CRISP3: variants seen among roughly 807,000 people sequenced by gnomAD.
CRISP3 encodes the protein cysteine-rich secretory protein 3.
A neutral mutation model predicts 36.1 loss-of-function variants in CRISP3; 33 were observed. The ratio of observed to expected loss-of-function variants is 0.91; its 90% CI spans 0.69 to 1.22. The LOEUF (loss-of-function observed/expected upper bound fraction) is 1.22. Ranked by LOEUF, CRISP3 falls within the 50% of genes most tolerant of loss-of-function variation. The pLI is 0.00. For synonymous variants in CRISP3, 117 were observed against 104.6 expected (o/e 1.12, Z -0.72); for missense variants, 330 against 301.2 (o/e 1.10, Z -0.71).
At chr6:49,734,821 T>C (rs372276757) in intron 4 of CRISP3, among the ~76,000 whole-genome samples, 3 of 152,286 alleles carry the variant, frequency 2.0e-5, no homozygotes, top group East Asian at 3.9e-4. Flanking sequence ...ATTTAATAAG[T>C]ATTTTATCTG....
intron 4 of CRISP3, among the ~76,000 whole-genome samples, chr6:49,734,373 A>G (rs567491055): frequency 6.6e-6 from 1 of 152,320 alleles, no homozygotes; most frequent in African/African-American, 2.4e-5. Flanking sequence ...AGCAAATGAC[A>G]CCATAAAAGA....
intron 5 of CRISP3, 97 bp from the exon 6 acceptor site, chr6:49,733,389 C>A (rs566742201): frequency 2.3e-6 from 2 of 865,962 alleles, no homozygotes; most frequent in South Asian, 1.8e-5. Context: ...AGAATGTTAC[C>A]GACATATTTT....
At chr6:49,740,254 A>G (rs1266736967) in intron 1 of CRISP3, among the ~76,000 whole-genome samples, 2 of 152,320 alleles carry the variant, frequency 1.3e-5, no homozygotes, top group Middle Eastern at 3.4e-3. Context: ...CTGACAACAT[A>G]TATCTACAAA....
At chr6:49,737,010 T>C (rs1402549084) in intron 2 of CRISP3, among the ~76,000 whole-genome samples, 1 of 152,084 alleles carries the variant, frequency 6.6e-6, no homozygotes, top group Non-Finnish European at 1.5e-5. Context: ...TAAAAGAGTT[T>C]TATGTATTAC....
chr6:49,729,260 A>G (rs143132230), intron 7 of CRISP3, among the ~76,000 whole-genome samples: 2 of 152,156 alleles, frequency 1.3e-5, no homozygotes, highest in South Asian at 4.1e-4. Context: ...TTCCTCAACA[A>G]CACCAGTTAT....
At chr6:49,738,978 A>G (rs550182781) in intron 1 of CRISP3, among the ~76,000 whole-genome samples, 2 of 151,532 alleles carry the variant, frequency 1.3e-5, no homozygotes, top group African/African-American at 2.4e-5. Context: ...TGTCCAATGC[A>G]TTAATAAATA....
chr6:49,731,893 G>A (rs1768926260), intron 6 of CRISP3, among the ~76,000 whole-genome samples: 1 of 151,980 alleles, frequency 6.6e-6, no homozygotes, highest in Non-Finnish European at 1.5e-5. Flanking sequence ...GAATGGGAAT[G>A]TTAGGGAAAA....
intron 1 of CRISP3, among the ~76,000 whole-genome samples, chr6:49,738,879 G>A (rs577767729): frequency 9.2e-5 from 14 of 151,974 alleles, no homozygotes; most frequent in South Asian, 2.1e-4. Context: ...GTATCCATTT[G>A]TATCACTTTT....
intron 4 of CRISP3, 103 bp from the exon 5 acceptor site, chr6:49,733,951 A>C: frequency 9.6e-7 from 1 of 1,037,048 alleles, no homozygotes; most frequent in Non-Finnish European, 1.4e-6. Context: ...CTGTTTTTTA[A>C]ATACAGTCCC....
At chr6:49,735,014 A>G (rs1219790082) in intron 4 of CRISP3, among the ~76,000 whole-genome samples, 1 of 152,218 alleles carries the variant, frequency 6.6e-6, no homozygotes, top group Non-Finnish European at 1.5e-5. Context: ...TGCTAATGTT[A>G]AATACGTTTT....
intron 1 of CRISP3, among the ~76,000 whole-genome samples, chr6:49,744,022 T>C (rs931882276): frequency 6.6e-6 from 1 of 152,154 alleles, no homozygotes; most frequent in African/African-American, 2.4e-5. Context: ...AAAATAGTTC[T>C]AGTACAATTG....
intron 1 of CRISP3, 145 bp downstream of exon 1, chr6:49,744,186 T>C (rs141560490): frequency 1.2e-5 from 6 of 515,626 alleles, no homozygotes; most frequent in Middle Eastern, 5.1e-4. Context: ...TTAAGATAAT[T>C]ACTCTCATTA....
chr6:49,734,469 C>G (rs749802702), intron 4 of CRISP3, among the ~76,000 whole-genome samples: 4 of 152,078 alleles, frequency 2.6e-5, no homozygotes, highest in Non-Finnish European at 4.4e-5. Context: ...GAAAAAAGTG[C>G]CTTGCAGCCC....
chr6:49,731,187 C>G lies in CRISP3; in HGVS notation c.625G>C (p.Asp209His). 6.2e-7 allele frequency: 1 copy of G among 1,610,062 alleles called. No homozygotes were observed. Among genetic ancestry groups the G allele is most frequent in the Non-Finnish European group, 8.5e-7 (1 of 1,177,718 alleles). ...CTGCATAGTCCATCGTCACAGTTAT[C>G]TGGGCAACTGGCACAAGGTGCTCCT... Reference protein sequence around the residue: ...EQGAPCASCPDNCDDGLCTNG... With the variant: ...EQGAPCASCPHNCDDGLCTNG... Residue 209 changes from aspartate to histidine, a missense_variant, in exon 7 of 8, where the codon GAT (aspartate) becomes CAT (histidine). By Grantham distance (81) the Asp-to-His change is moderately conservative. Coordinates refer to ENST00000263045, the MANE Select transcript of CRISP3 (RefSeq NM_006061.4).
chr6:49,735,250 G>A (rs1728411137), intron 4 of CRISP3, among the ~76,000 whole-genome samples: 1 of 152,038 alleles, frequency 6.6e-6, no homozygotes, highest in Admixed American at 6.6e-5. Flanking sequence ...GAGATGATCT[G>A]TAACCTGCTT....
Position 49,741,158 on chromosome 6 carries a change from A to AAAC in CRISP3, c.37+3172_37+3173insGTT, listed in dbSNP as rs1223412464. On this transcript the variant is annotated intron_variant, in intron 1 of 7. Transcript: ENST00000263045. ...CAAACAAAAAAAAACCACCAAAAAA[A>AAAC]AAAAAACAAAAAACGAAAGTACCAT... Among the ~76,000 whole-genome samples, 9 of 151,194 alleles carry AAAC rather than the reference A, an allele frequency of 6.0e-5. No individual in the cohort carries two copies. The East Asian group carries it at 9.7e-4, about 16-fold the overall frequency.
At chr6:49,729,415 G>A (rs553379809) in intron 7 of CRISP3, among the ~76,000 whole-genome samples, 4 of 152,168 alleles carry the variant, frequency 2.6e-5, no homozygotes, top group African/African-American at 7.2e-5. Context: ...ATTATTATAG[G>A]AAGATGTAAA....
intron 4 of CRISP3, 92 bp from the exon 5 acceptor site, chr6:49,733,940 C>T: frequency 8.5e-7 from 1 of 1,177,064 alleles, no homozygotes; most frequent in Non-Finnish European, 1.2e-6. Context: ...CAGCAGAATC[C>T]CTGTTTTTTA....
At chr6:49,734,971 A>C (rs1769006694) in intron 4 of CRISP3, among the ~76,000 whole-genome samples, 1 of 152,128 alleles carries the variant, frequency 6.6e-6, no homozygotes, top group Non-Finnish European at 1.5e-5. Flanking sequence ...GCTTACTGTC[A>C]TCAAAAATTC....
Sources: allele counts gnomAD v4.1 joint callset (sites outside exome capture counted in the v4.1 genomes callset), GRCh38; gene constraint gnomAD v4.1.1; transcripts MANE v1.5; gene names NCBI Gene and HGNC (gene_info 2026-07-23, HGNC 2026-07-21).